The following AFG1L variants were observed in gnomAD, a reference collection of about 807,000 sequenced individuals.
AFG1L encodes the protein AFG1 like ATPase, also known as AFG1-like ATPase.
A neutral mutation model predicts 62.2 loss-of-function variants in AFG1L; 53 were observed. The observed-to-expected ratio is 0.85, with a 90% CI of 0.68 to 1.07. AFG1L has a LOEUF of 1.07. Ranked by LOEUF, AFG1L falls within the 50% of genes least tolerant of loss-of-function variation. AFG1L has a pLI of 0.00. For synonymous variants in AFG1L, 228 were observed against 210.3 expected, an observed-to-expected ratio of 1.08 and a Z score of -0.73; for missense variants, 555 against 590.5, an observed-to-expected ratio of 0.94 and a Z score of 0.62.
intron 6 of AFG1L, 59 bp from the exon 7 acceptor site, chr6:108,401,937 G>A (rs997990225): frequency 5.3e-6 from 4 of 759,902 alleles, no homozygotes; most frequent in East Asian, 2.9e-5. Context: ...CAGGCTAAAC[G>A]ATAAATTAAC....
At chr6:108,316,828 G>A (rs771408284) in intron 1 of AFG1L, among the ~76,000 whole-genome samples, 3 of 151,982 alleles carry the variant, frequency 2.0e-5, no homozygotes, top group Non-Finnish European at 4.4e-5. Flanking sequence ...CACCGCGCTC[G>A]GCCCGCTCTG....
At chr6:108,400,569 A>G (rs980094948) in intron 6 of AFG1L, among the ~76,000 whole-genome samples, 3 of 137,956 alleles carry the variant, frequency 2.2e-5, no homozygotes, top group Non-Finnish European at 3.1e-5. Context: ...TTATATAAAT[A>G]TATATTTATT....
At position 108,447,197 on chromosome 6, in the gene AFG1L, A is replaced by T. The variant is rs1284794720; in HGVS notation, c.808-17A>T. The T allele has an allele frequency of 1.4e-6, 2 of 1,418,428 alleles. No individual in the cohort carries two copies. Among genetic ancestry groups the T allele is most frequent in the African/African-American group, 2.8e-5 (2 of 70,838 alleles). 87.9% of individuals were successfully genotyped at this position (1,418,428 alleles called of 1,614,324 possible). A position where few individuals can be genotyped will look rare whatever the true frequency, so the allele number is the denominator to read the frequency against. On this transcript the variant is annotated splice_polypyrimidine_tract_variant and intron_variant, in intron 7 of 12. Coordinates refer to ENST00000368977, the MANE Select transcript of AFG1L (RefSeq NM_145315.5). ...CACTACTTGTTTAAAAAGGCACTTC[A>T]TTTGTTTGGATTGTAGGAATATTGT...
At chr6:108,338,923 C>G (rs1305277337) in intron 2 of AFG1L, among the ~76,000 whole-genome samples, 1 of 152,110 alleles carries the variant, frequency 6.6e-6, no homozygotes, top group East Asian at 1.9e-4. Context: ...TGCTGTGTCA[C>G]CCAGGTTGGA....
rs762298790 is a variant in AFG1L, at chr6:108,510,312, G to A, written c.1163G>A (p.Arg388Gln). 4.3e-6 allele frequency: 7 copies of A among 1,612,340 alleles called. No homozygotes were observed. The highest frequency in any genetic ancestry group is 5.9e-6 in the Non-Finnish European group (7 of 1,179,278). Residue 388 changes from arginine to glutamine, a missense_variant, in exon 11 of 13, where the codon CGA becomes CAA. By Grantham distance (43) the Arg-to-Gln change is conservative. Coordinates refer to ENST00000368977, the MANE Select transcript of AFG1L (RefSeq NM_145315.5). ...ACTCTGGCAAACAGGACTCAAGGTC[G>A]AAGATTCATAACTCTCATCGATAAC... ...QFTLANRTQG[R>Q]RFITLIDNFY...
intron 7 of AFG1L, 71 bp from the exon 8 acceptor site, chr6:108,447,143 A>T: frequency 1.5e-6 from 1 of 664,286 alleles, no homozygotes; most frequent in Non-Finnish European, 2.6e-6. Context: ...AAAAATGTAT[A>T]GTATAAGGGA....
chr6:108,299,174 TC>T (rs1360744599), intron 1 of AFG1L, among the ~76,000 whole-genome samples: 5 of 151,384 alleles, frequency 3.3e-5, no homozygotes. Context: ...GGCAGGAGAA[TC>T]GCTTGAACCC....
chr6:108,318,375 TA>T, intron 1 of AFG1L: 3 of 358,124 alleles, frequency 8.4e-6, no homozygotes, highest in South Asian at 2.8e-5. Flanking sequence ...TGGGAAGAGG[TA>T]AGAGAAAGGC....
chr6:108,376,919 G>A (rs1158401835), intron 6 of AFG1L, among the ~76,000 whole-genome samples: 3 of 152,022 alleles, frequency 2.0e-5, no homozygotes, highest in East Asian at 1.9e-4. Context: ...TGGATGCTCC[G>A]ATGTTGGATA....
At chr6:108,515,575 A>T (rs1234883519) in intron 11 of AFG1L, among the ~76,000 whole-genome samples, 1 of 152,210 alleles carries the variant, frequency 6.6e-6, no homozygotes, top group Non-Finnish European at 1.5e-5. Context: ...ACACCCTAAC[A>T]TCACAATTAA....
chr6:108,507,406 T>C (rs1228222344), intron 10 of AFG1L, among the ~76,000 whole-genome samples: 3 of 152,232 alleles, frequency 2.0e-5, no homozygotes, highest in Non-Finnish European at 4.4e-5. Context: ...GTTTTCTTTA[T>C]GTGAATGAGC....
chr6:108,525,670 G>C lies in AFG1L; in HGVS notation c.*3245G>C, dbSNP rs766328447. The stretch of plus-strand genomic sequence containing the variant: ...ATCCATATAACAGTCTTATGAGATA[G>C]GTGCCATTATAATCATTTTATAGAC... On this transcript the variant is annotated 3_prime_UTR_variant, in exon 13 of 13. Coordinates refer to ENST00000368977, the MANE Select transcript of AFG1L (RefSeq NM_145315.5). 12 of 152,188 alleles carry C rather than the reference G, an allele frequency of 7.9e-5. No homozygotes were observed. The highest frequency in any genetic ancestry group is 1.3e-4 in the Non-Finnish European group (9 of 68,034). The allele number at this position is 152,188 out of a possible 1,614,324, so 9.4% of individuals were successfully genotyped here.
chr6:108,403,880 A>G (rs1781738144), intron 7 of AFG1L, among the ~76,000 whole-genome samples: 3 of 152,070 alleles, frequency 2.0e-5, no homozygotes, highest in Admixed American at 6.5e-5. Context: ...TAATAGGCAA[A>G]ATGAATAGTA....
intron 7 of AFG1L, among the ~76,000 whole-genome samples, chr6:108,442,504 T>A (rs752832812): frequency 9.2e-5 from 14 of 152,058 alleles, no homozygotes; most frequent in Non-Finnish European, 1.9e-4. Flanking sequence ...CTTGGAGTGA[T>A]GAGCTAGGGA....
chr6:108,418,767 G>A (rs942455927), intron 7 of AFG1L, among the ~76,000 whole-genome samples: 3 of 152,152 alleles, frequency 2.0e-5, no homozygotes, highest in African/African-American at 4.8e-5. Flanking sequence ...TATCTTAAAT[G>A]TACATTCACT....
chr6:108,451,793 A>T (rs1772067266), intron 8 of AFG1L, among the ~76,000 whole-genome samples: 1 of 151,920 alleles, frequency 6.6e-6, no homozygotes, highest in South Asian at 2.1e-4. Flanking sequence ...ATCTCGGCTC[A>T]CTGCAACCTC....
At chr6:108,506,163 T>C (rs1216421255) in intron 10 of AFG1L, among the ~76,000 whole-genome samples, 1 of 152,180 alleles carries the variant, frequency 6.6e-6, no homozygotes, top group Non-Finnish European at 1.5e-5. Flanking sequence ...GTCCCTGATA[T>C]AAAGTGGAGT....
At chr6:108,515,401 C>A (rs1185453691) in intron 11 of AFG1L, among the ~76,000 whole-genome samples, 1 of 152,178 alleles carries the variant, frequency 6.6e-6, no homozygotes, top group Non-Finnish European at 1.5e-5. Flanking sequence ...GAATGAACTA[C>A]TGGGTACATA....
At chr6:108,424,555 G>A (rs1332386380) in intron 7 of AFG1L, among the ~76,000 whole-genome samples, 1 of 151,862 alleles carries the variant, frequency 6.6e-6, no homozygotes, top group African/African-American at 2.4e-5. Context: ...AGGGAAATTA[G>A]GATGTTCTAG....
Sources: allele counts gnomAD v4.1 joint callset (sites outside exome capture counted in the v4.1 genomes callset), GRCh38; gene constraint gnomAD v4.1.1; transcripts MANE v1.5; gene names NCBI Gene and HGNC (gene_info 2026-07-23, HGNC 2026-07-21).